RABGAP1L: variants seen among roughly 807,000 people sequenced by gnomAD.
RABGAP1L encodes the protein RAB GTPase activating protein 1 like.
Under a neutral mutation model 137.7 loss-of-function variants are expected in RABGAP1L, and 63 were observed. That is an observed-to-expected ratio of 0.46 (90% CI 0.37 to 0.56). RABGAP1L has a LOEUF of 0.56. Among genes scored for constraint, RABGAP1L ranks in the 20% least tolerant of loss-of-function variants. The pLI is 0.00. For missense variants in RABGAP1L, 1,095 were observed against 1,244.0 expected (o/e 0.88, Z 1.80); for synonymous variants, 431 against 433.7 (o/e 0.99, Z 0.08).
intron 7 of RABGAP1L, among the ~76,000 whole-genome samples, chr1:174,256,720 G>A (rs1286239585): frequency 3.9e-5 from 6 of 152,170 alleles, no homozygotes; most frequent in Admixed American, 2.6e-4. Flanking sequence ...AGTGGTGGTC[G>A]CAGTGAGCCA....
intron 15 of RABGAP1L, among the ~76,000 whole-genome samples, chr1:174,694,732 G>A (rs1297657182): frequency 6.6e-6 from 1 of 151,782 alleles, no homozygotes; most frequent in East Asian, 1.9e-4. Context: ...GGATGGCTGG[G>A]TCAAATGGTA....
intron 11 of RABGAP1L, among the ~76,000 whole-genome samples, chr1:174,357,439 C>T (rs901425458): frequency 2.0e-5 from 3 of 152,004 alleles, no homozygotes; most frequent in Non-Finnish European, 4.4e-5. Context: ...ATTTCACATT[C>T]GAGTGTCATG....
intron 17 of RABGAP1L, among the ~76,000 whole-genome samples, chr1:174,727,263 T>G (rs1682061304): frequency 6.6e-6 from 1 of 152,218 alleles, no homozygotes. Context: ...ACACCTTTGT[T>G]AAGAATCAGA....
intron 13 of RABGAP1L, among the ~76,000 whole-genome samples, chr1:174,565,380 G>C (rs868563326): frequency 4.0e-4 from 61 of 152,158 alleles, no homozygotes; most frequent in African/African-American, 1.4e-3. Flanking sequence ...CCTAATAGAG[G>C]GGTTTTGCTT....
intron 19 of RABGAP1L, among the ~76,000 whole-genome samples, chr1:174,812,272 C>T (rs1689946009): frequency 6.6e-6 from 1 of 152,128 alleles, no homozygotes; most frequent in Non-Finnish European, 1.5e-5. Context: ...TTAGCTTTTG[C>T]CATCTGTTTT....
chr1:174,444,816 G>A (rs1654559956), intron 13 of RABGAP1L, among the ~76,000 whole-genome samples: 1 of 151,786 alleles, frequency 6.6e-6, no homozygotes, highest in South Asian at 2.1e-4. Context: ...ATTTATTTGA[G>A]TCTTCTTTCT....
intron 12 of RABGAP1L, among the ~76,000 whole-genome samples, chr1:174,391,508 T>C (rs1278636275): frequency 6.6e-6 from 1 of 152,030 alleles, no homozygotes; most frequent in East Asian, 1.9e-4. Flanking sequence ...GTTTTTTTTC[T>C]AGAGATGAGG....
intron 19 of RABGAP1L, chr1:174,874,629 C>T (rs187018471): frequency 1.5e-5 from 7 of 461,640 alleles, no homozygotes; most frequent in Admixed American, 9.5e-5. Context: ...GGTGTGAAGG[C>T]GATAACTGCA....
chr1:174,503,680 T>C (rs1328766836), intron 13 of RABGAP1L, among the ~76,000 whole-genome samples: 1 of 86,114 alleles, frequency 1.2e-5, no homozygotes, highest in South Asian at 4.4e-4. Context: ...AAAAAAGAAA[T>C]GTAAATACAA....
At chr1:174,485,020 C>G (rs563320916) in intron 13 of RABGAP1L, among the ~76,000 whole-genome samples, 1 of 152,214 alleles carries the variant, frequency 6.6e-6, no homozygotes, top group African/African-American at 2.4e-5. Flanking sequence ...TGTGTGTGCT[C>G]TTTAATTTCT....
intron 19 of RABGAP1L, among the ~76,000 whole-genome samples, chr1:174,820,100 ATTG>A (rs1483796397): frequency 6.6e-6 from 1 of 152,200 alleles, no homozygotes; most frequent in African/African-American, 2.4e-5. Flanking sequence ...GCTAGTCTAT[ATTG>A]TTGTAGACTA....
chr1:174,930,135 T>A (rs1663542539), intron 19 of RABGAP1L, among the ~76,000 whole-genome samples: 1 of 151,768 alleles, frequency 6.6e-6, no homozygotes, highest in Non-Finnish European at 1.5e-5. Flanking sequence ...AGGTGTGAAC[T>A]ACCATGGCTG....
At chr1:174,190,313 A>AG (rs1667124159) in intron 1 of RABGAP1L, among the ~76,000 whole-genome samples, 1 of 151,600 alleles carries the variant, frequency 6.6e-6, no homozygotes, top group African/African-American at 2.4e-5. Context: ...AAAAAAAAAA[A>AG]AAAAAAGAAA....
intron 13 of RABGAP1L, among the ~76,000 whole-genome samples, chr1:174,534,473 A>G (rs1664714655): frequency 1.3e-5 from 2 of 151,826 alleles, no homozygotes; most frequent in South Asian, 2.1e-4. Flanking sequence ...ATAACTAATA[A>G]TAAAATAGAA....
rs79315125 is a variant in RABGAP1L at position 174,904,520 on chromosome 1, G to C, written c.2341-52937G>C. Among the ~76,000 whole-genome samples the C allele has an allele frequency of 4.7e-4, 71 of 152,314 alleles. No homozygotes were observed. The East Asian group carries it at 8.7e-3, about 19-fold the overall frequency. ...CCCCCAAGGACAGGCAGACAAAGGG[G>C]AGAAATGGGACTATCATCCCTAGCT... On this transcript the variant is annotated intron_variant, in intron 19 of 25. Transcript: ENST00000681986.
At chr1:174,376,489 T>G (rs925622467) in intron 12 of RABGAP1L, among the ~76,000 whole-genome samples, 30 of 152,186 alleles carry the variant, frequency 2.0e-4, no homozygotes, top group African/African-American at 6.8e-4. Context: ...AAGGATAATG[T>G]TGCATGACTA....
At chr1:174,285,543 A>G (rs1675986121) in intron 10 of RABGAP1L, among the ~76,000 whole-genome samples, 1 of 149,624 alleles carries the variant, frequency 6.7e-6, no homozygotes, top group South Asian at 2.1e-4. Flanking sequence ...TGGTGGAGTC[A>G]TCAGAATTTT....
At chr1:174,904,168 G>A (rs1437341222) in intron 19 of RABGAP1L, among the ~76,000 whole-genome samples, 3 of 151,954 alleles carry the variant, frequency 2.0e-5, no homozygotes, top group Admixed American at 6.6e-5. Context: ...CTGGCAATAA[G>A]CTTGAGGAAA....
At chr1:174,470,242 G>T (rs993636135) in intron 13 of RABGAP1L, among the ~76,000 whole-genome samples, 7 of 152,074 alleles carry the variant, frequency 4.6e-5, no homozygotes, top group Non-Finnish European at 8.8e-5. Context: ...GAATTTCAGG[G>T]TTTAAATCAG....
Sources: allele counts gnomAD v4.1 joint callset (sites outside exome capture counted in the v4.1 genomes callset), GRCh38; gene constraint gnomAD v4.1.1; transcripts MANE v1.5; gene names NCBI Gene and HGNC (gene_info 2026-07-23, HGNC 2026-07-21).